The following RNMT variants were observed in gnomAD, a reference collection of about 807,000 sequenced individuals.
RNMT encodes the protein RNA guanine-7 methyltransferase, also known as mRNA cap guanine-N(7) methyltransferase.
Under a neutral mutation model 56.0 loss-of-function variants are expected in RNMT, and 27 were observed. The observed-to-expected ratio is 0.48, with a 90% confidence interval of 0.36 to 0.67. The LOEUF is 0.67. Ranked by LOEUF, RNMT falls within the 30% of genes least tolerant of loss-of-function variation. RNMT has a pLI of 0.00. For missense variants in RNMT, 519 were observed against 552.1 expected, an observed-to-expected ratio of 0.94 and a Z score of 0.60; for synonymous variants, 184 against 176.2, an observed-to-expected ratio of 1.04 and a Z score of -0.35.
chr18:13,755,423 T>A (rs1031326389), intron 11 of RNMT, among the ~76,000 whole-genome samples: 5 of 152,208 alleles, frequency 3.3e-5, no homozygotes, highest in African/African-American at 9.7e-5. Flanking sequence ...ACTTTATGAG[T>A]AGAGTATTAT....
chr18:13,746,207 C>A lies in RNMT; in HGVS notation c.1140-13C>A. ...TGTGGAAGCTTTTTCATTAAGTATT[C>A]TTTTTTGGACAGAATGGCAAAGAAG... On this transcript the variant is annotated splice_polypyrimidine_tract_variant and intron_variant, in intron 8 of 11. Coordinates refer to ENST00000383314, the MANE Select transcript of RNMT (RefSeq NM_003799.3). 7.5e-7 allele frequency: 1 copy of A among 1,338,582 alleles called. No homozygotes were observed. The highest frequency in any genetic ancestry group is 1.3e-5 in the South Asian group (1 of 78,496). 82.9% of individuals were successfully genotyped at this position (1,338,582 alleles called of 1,614,324 possible).
rs1442248015 is a variant in RNMT, at chr18:13,762,709, A to T, written c.*2730A>T. ...CAGAGTTGGGAGTATATTGGTCAGGATCATAGAAAAGAAGACAAAGCTTGC... is the reference window on the plus strand; with the variant it reads ...CAGAGTTGGGAGTATATTGGTCAGGTTCATAGAAAAGAAGACAAAGCTTGC... On this transcript the variant is annotated 3_prime_UTR_variant, in exon 12 of 12. Transcript: ENST00000383314. 3.9e-6 allele frequency: 1 copy of T among 256,022 alleles called. No homozygotes were observed. The highest frequency in any genetic ancestry group is 2.2e-5 in the African/African-American group (1 of 45,316). 15.9% of individuals were successfully genotyped at this position (256,022 alleles called of 1,614,324 possible).
chr18:13,731,105 T>C (rs943274983), intron 2 of RNMT, among the ~76,000 whole-genome samples: 1 of 152,190 alleles, frequency 6.6e-6, no homozygotes, highest in Non-Finnish European at 1.5e-5. Flanking sequence ...GTTGATCAAA[T>C]TCTAGTTAAA....
intron 8 of RNMT, among the ~76,000 whole-genome samples, chr18:13,744,647 C>G (rs1345618776): frequency 6.6e-6 from 1 of 152,166 alleles, no homozygotes. Context: ...TGTTGCCTTT[C>G]CAAGGAGGAT....
Position 13,760,876 on chromosome 18 carries a change from C to G in RNMT, c.*897C>G. 1 of 985,416 alleles carries G rather than the reference C, an allele frequency of 1.0e-6. No homozygotes were observed. The highest frequency in any genetic ancestry group is 4.7e-5 in the South Asian group (1 of 21,292). 61.0% of individuals were successfully genotyped at this position (985,416 alleles called of 1,614,324 possible). ...AGCAATACTTGTTCCTCTGTTACAA[C>G]CTCAGCACTTTGCACCGTAGGAGCC... On this transcript the variant is annotated 3_prime_UTR_variant, in exon 12 of 12. Transcript: ENST00000383314.
chr18:13,727,830 T>A (rs2043988367), intron 1 of RNMT, among the ~76,000 whole-genome samples: 1 of 152,222 alleles, frequency 6.6e-6, no homozygotes, highest in East Asian at 1.9e-4. Context: ...AGCTCCCACA[T>A]GAGTAACAAC....
intron 9 of RNMT, among the ~76,000 whole-genome samples, chr18:13,747,641 G>C (rs990360476): frequency 6.6e-6 from 1 of 152,256 alleles, no homozygotes; most frequent in Non-Finnish European, 1.5e-5. Flanking sequence ...GTCTCCTGTT[G>C]AAGTTGCACC....
At position 13,761,834 on chromosome 18, in the gene RNMT, C is replaced by T. The variant is rs576939463; in HGVS notation, c.*1855C>T. 60 of 1,352,010 alleles carry T rather than the reference C, an allele frequency of 4.4e-5. No homozygotes were observed. The African/African-American group carries it at 8.4e-4, about 19-fold the overall frequency. 83.8% of individuals were successfully genotyped at this position (1,352,010 alleles called of 1,614,324 possible). A position where few individuals can be genotyped will look rare whatever the true frequency, so the allele number is the denominator to read the frequency against. On this transcript the variant is annotated 3_prime_UTR_variant, in exon 12 of 12. Coordinates refer to ENST00000383314, the MANE Select transcript of RNMT (RefSeq NM_003799.3). Reference sequence around the variant, plus strand: ...TCTTGCCTTATCAGTTCTTCCTCCACCACCCTACACCCCCCTCCCCCCGGC... The same window carrying T: ...TCTTGCCTTATCAGTTCTTCCTCCATCACCCTACACCCCCCTCCCCCCGGC...
At chr18:13,746,668 C>G (rs556394340) in intron 9 of RNMT, among the ~76,000 whole-genome samples, 1 of 152,346 alleles carries the variant, frequency 6.6e-6, no homozygotes, top group East Asian at 1.9e-4. Context: ...TTCCTGGCTT[C>G]TACGCACTAG....
chr18:13,751,919 G>A (rs2044454531), intron 9 of RNMT, among the ~76,000 whole-genome samples: 1 of 151,966 alleles, frequency 6.6e-6, no homozygotes. Context: ...GTTGAGCAAT[G>A]AGAACACATG....
Position 13,760,022 on chromosome 18 carries a change from A to G in RNMT, c.*43A>G. On this transcript the variant is annotated 3_prime_UTR_variant, in exon 12 of 12. Coordinates refer to ENST00000383314, the MANE Select transcript of RNMT (RefSeq NM_003799.3). ...CCAGAGGGGCCGTGTTCTGTCCTGC[A>G]CAAATTTGAACAACTCATCTCGATA... 6.2e-7 allele frequency: 1 copy of G among 1,603,114 alleles called. No individual in the cohort carries two copies. The highest frequency in any genetic ancestry group is 1.7e-5 in the Admixed American group (1 of 58,308).
Position 13,761,407 on chromosome 18 carries a change from T to G in RNMT, c.*1428T>G. The G allele has an allele frequency of 1.0e-6, 1 of 985,442 alleles. No individual in the cohort carries two copies. Among genetic ancestry groups the G allele is most frequent in the Non-Finnish European group, 1.2e-6 (1 of 829,954 alleles). The allele number at this position is 985,442 out of a possible 1,614,324, so 61.0% of individuals were successfully genotyped here. A position where few individuals can be genotyped will look rare whatever the true frequency, so the allele number is the denominator to read the frequency against. ...GAAGTCTTCCTGTCACATATGCAGG[T>G]TCGTTTTCATTCTAGGGCAGTGCCA... On this transcript the variant is annotated 3_prime_UTR_variant, in exon 12 of 12. Transcript: ENST00000383314.
chr18:13,759,168 G>A (rs527609388), intron 11 of RNMT, among the ~76,000 whole-genome samples: 29 of 152,270 alleles, frequency 1.9e-4, no homozygotes, highest in African/African-American at 6.0e-4. Flanking sequence ...ATAAAAACCC[G>A]AAGCGAGCAT....
intron 6 of RNMT, among the ~76,000 whole-genome samples, chr18:13,741,275 T>C (rs2044247028): frequency 6.6e-6 from 1 of 152,234 alleles, no homozygotes; most frequent in Non-Finnish European, 1.5e-5. Flanking sequence ...CATAATTGAC[T>C]AATATATTTT....
chr18:13,762,246 T>G lies in RNMT; in HGVS notation c.*2267T>G. The G allele has an allele frequency of 7.4e-7, 1 of 1,359,156 alleles. No homozygotes were observed. Among genetic ancestry groups the G allele is most frequent in the Non-Finnish European group, 9.8e-7 (1 of 1,019,550 alleles). 84.2% of individuals were successfully genotyped at this position (1,359,156 alleles called of 1,614,324 possible). A position where few individuals can be genotyped will look rare whatever the true frequency, so the allele number is the denominator to read the frequency against. On this transcript the variant is annotated 3_prime_UTR_variant, in exon 12 of 12. Transcript: ENST00000383314. ...GCGATGATTGATCTGGGAACATGGC[T>G]GGATTGTGATTTAACCAAGAATGCT...
intron 5 of RNMT, 73 bp downstream of exon 5, chr18:13,737,208 A>G: frequency 1.5e-6 from 2 of 1,359,898 alleles, no homozygotes; most frequent in Admixed American, 2.0e-5. Context: ...ATTGTCTCAA[A>G]TTGCAAGATA....
rs573461259 is a variant in RNMT, at chr18:13,752,204, G to C, written c.1258-122G>C. 185 of 622,936 alleles carry C rather than the reference G, an allele frequency of 3.0e-4. 1 individual carries two copies. The South Asian group carries it at 3.8e-3, about 13-fold the overall frequency. The allele number at this position is 622,936 out of a possible 1,614,324, so 38.6% of individuals were successfully genotyped here. A position where few individuals can be genotyped will look rare whatever the true frequency, so the allele number is the denominator to read the frequency against. The stretch of plus-strand genomic sequence containing the variant: ...TGTATTTCAAAAGTATGTATAGTTT[G>C]TATTCCTGAAGTAGTACTTACGGAT... On this transcript the variant is annotated intron_variant, in intron 9 of 11. Transcript: ENST00000383314.
Position 13,731,710 on chromosome 18 carries a change from G to T in RNMT, c.193G>T (p.Asp65Tyr), listed in dbSNP as rs1407151406. Residue 65 changes from aspartate to tyrosine, a missense_variant, in exon 3 of 12, where the codon GAT becomes TAT. Asp to Tyr is a radical substitution (Grantham distance 160). Transcript: ENST00000383314. ...IARKRKEFED[D>Y]LVKESSSCGK... is the part of the protein sequence containing the mutation. Reference sequence around the variant, plus strand: ...AAGAAAGAGAAAAGAGTTTGAAGATGATCTTGTAAAGGAAAGTTCTAGTTG... The same window carrying T: ...AAGAAAGAGAAAAGAGTTTGAAGATTATCTTGTAAAGGAAAGTTCTAGTTG... The T allele has an allele frequency of 6.2e-7, 1 of 1,613,414 alleles. No homozygotes were observed. The highest frequency in any genetic ancestry group is 1.7e-5 in the Admixed American group (1 of 59,814).
chr18:13,742,265 T>G (rs559122901), intron 7 of RNMT, among the ~76,000 whole-genome samples: 2 of 151,462 alleles, frequency 1.3e-5, no homozygotes, highest in East Asian at 3.9e-4. Context: ...AGCCCAGGAG[T>G]TGGTGGCTGT....
Sources: allele counts gnomAD v4.1 joint callset (sites outside exome capture counted in the v4.1 genomes callset), GRCh38; gene constraint gnomAD v4.1.1; transcripts MANE v1.5; gene names NCBI Gene and HGNC (gene_info 2026-07-23, HGNC 2026-07-21).